RTN1: variants seen among roughly 807,000 people sequenced by gnomAD.
RTN1 encodes the protein reticulon 1.
RTN1 carries 25 observed loss-of-function variants against 65.5 expected under a neutral mutation model. The ratio of observed to expected loss-of-function variants is 0.38; its 90% CI spans 0.28 to 0.53. RTN1 has a LOEUF of 0.53. Ranked by LOEUF, RTN1 falls within the 20% of genes least tolerant of loss-of-function variation. The probability of loss-of-function intolerance (pLI) is 0.79; values close to 1 mark genes in which losing one functional copy is unlikely to be tolerated. For synonymous variants in RTN1, 471 were observed against 447.6 expected, an observed-to-expected ratio of 1.05 and a Z score of -0.66; for missense variants, 983 against 1,025.4, an observed-to-expected ratio of 0.96 and a Z score of 0.57.
chr14:59,808,846 G>A (rs80131608), intron 1 of RTN1, among the ~76,000 whole-genome samples: 1,840 of 152,208 alleles, frequency 0.012, 33 homozygotes, highest in African/African-American at 0.041. Flanking sequence ...CTCCCACCAT[G>A]TGAGAGGACT....
chr14:59,637,774 C>T (rs1882696139), intron 3 of RTN1, among the ~76,000 whole-genome samples: 1 of 152,054 alleles, frequency 6.6e-6, no homozygotes, highest in Non-Finnish European at 1.5e-5. Flanking sequence ...ATGACCTCCT[C>T]CCATGAATCA....
intron 3 of RTN1, among the ~76,000 whole-genome samples, chr14:59,659,790 CAAATTGTA>C (rs1441603226): frequency 1.3e-5 from 2 of 152,150 alleles, no homozygotes; most frequent in African/African-American, 4.8e-5. Context: ...AAAAACATAC[CAAATTGTA>C]AAGACCATCG....
At chr14:59,696,886 T>C (rs989458255) in intron 3 of RTN1, among the ~76,000 whole-genome samples, 1 of 152,054 alleles carries the variant, frequency 6.6e-6, no homozygotes, top group African/African-American at 2.4e-5. Context: ...ACTGCTCTCA[T>C]AGGGGGGAAA....
intron 3 of RTN1, among the ~76,000 whole-genome samples, chr14:59,636,776 T>C (rs1035010898): frequency 6.6e-6 from 1 of 152,230 alleles, no homozygotes; most frequent in Non-Finnish European, 1.5e-5. Flanking sequence ...AAAGTAATGT[T>C]TACACTATAC....
At chr14:59,845,799 G>T (rs1316862342) in intron 1 of RTN1, among the ~76,000 whole-genome samples, 1 of 151,916 alleles carries the variant, frequency 6.6e-6, no homozygotes, top group Non-Finnish European at 1.5e-5. Flanking sequence ...TTCCCTAGAA[G>T]AATCTCCCAA....
chr14:59,614,603 C>G (rs532186715), intron 3 of RTN1, among the ~76,000 whole-genome samples: 3 of 152,246 alleles, frequency 2.0e-5, no homozygotes, highest in Admixed American at 6.5e-5. Flanking sequence ...GACATTTGGT[C>G]TAAATTAAGG....
chr14:59,688,376 G>A (rs547325772), intron 3 of RTN1, among the ~76,000 whole-genome samples: 167 of 152,300 alleles, frequency 1.1e-3, no homozygotes, highest in African/African-American at 3.7e-3. Flanking sequence ...CTCTGGGTAC[G>A]TGGTGGCTGC....
intron 3 of RTN1, among the ~76,000 whole-genome samples, chr14:59,725,657 T>G (rs1238090063): frequency 6.6e-6 from 1 of 152,212 alleles, no homozygotes; most frequent in Non-Finnish European, 1.5e-5. Context: ...GTCAATTATA[T>G]CAGCCCCCAC....
At chr14:59,751,383 G>C (rs1384915600) in intron 1 of RTN1, among the ~76,000 whole-genome samples, 2 of 151,844 alleles carry the variant, frequency 1.3e-5, no homozygotes, top group African/African-American at 4.8e-5. Flanking sequence ...AATTATTAAA[G>C]CTTCTTTCAT....
In RTN1 at chr14:59,654,875, T is replaced by C. The variant is rs556506785; in HGVS notation, c.1766-47383A>G. 6.8e-4 allele frequency among the ~76,000 whole-genome samples: 104 copies of C among 152,302 alleles called. 1 individual carries two copies. The highest frequency in any genetic ancestry group is 1.2e-3 in the Non-Finnish European group (80 of 68,016). On this transcript the variant is annotated intron_variant, in intron 3 of 8. Transcript: ENST00000267484. Reference sequence around the variant, plus strand: ...AATTATGATATTTAATGGTGAAAGATTGGAAGATTTTCTCCTAATATCTGG... The same window carrying C: ...AATTATGATATTTAATGGTGAAAGACTGGAAGATTTTCTCCTAATATCTGG...
Position 59,870,441 on chromosome 14 carries a change from C to G in RTN1, c.190G>C (p.Gly64Arg), listed in dbSNP as rs759902695. Residue 64 changes from glycine (G) to arginine (R), a missense_variant, in exon 1 of 9, where the codon GGC becomes CGC. Around this residue, in one of 2 missense-constraint regions of RTN1, gnomAD observed 818 missense variants for 801.8 expected, o/e 1.02. Coordinates refer to ENST00000267484, the MANE Select transcript of RTN1 (RefSeq NM_021136.3). This position sits in a 1 kb window ranked among gnomAD's most constrained non-coding sequence, Gnocchi z 5.1. ...RAREAASREA[G>R]SGPARQSPVA... ...GGCGACTGCCGGGCGGGGCCCGAGC[C>G]GGCTTCCCGCGACGCCGCTTCCCGG... 2 of 1,513,888 alleles carry G rather than the reference C, an allele frequency of 1.3e-6. No homozygotes were observed. Among genetic ancestry groups the G allele is most frequent in the Non-Finnish European group, 1.8e-6 (2 of 1,142,340 alleles). 93.8% of individuals were successfully genotyped at this position (1,513,888 alleles called of 1,614,324 possible). A position where few individuals can be genotyped will look rare whatever the true frequency, so the allele number is the denominator to read the frequency against.
intron 3 of RTN1, among the ~76,000 whole-genome samples, chr14:59,658,383 T>C (rs1883170322): frequency 1.0e-5 from 1 of 98,554 alleles, no homozygotes; most frequent in African/African-American, 4.6e-5. Context: ...GCTCCAGCTC[T>C]GCTAAGGGAC....
At chr14:59,858,829 A>G (rs996585280) in intron 1 of RTN1, among the ~76,000 whole-genome samples, 2 of 152,246 alleles carry the variant, frequency 1.3e-5, no homozygotes, top group African/African-American at 4.8e-5. Flanking sequence ...TTTCCAAAAC[A>G]TTTTAAAATA....
At chr14:59,770,378 C>CAA (rs774086177) in intron 1 of RTN1, among the ~76,000 whole-genome samples, 774 of 53,638 alleles carry the variant, frequency 0.014, 102 homozygotes, top group Non-Finnish European at 0.021. Flanking sequence ...AACTCTGCCT[C>CAA]AAAAAAAAAA....
At chr14:59,830,699 C>T (rs770430614) in intron 1 of RTN1, among the ~76,000 whole-genome samples, 2 of 152,134 alleles carry the variant, frequency 1.3e-5, no homozygotes, top group African/African-American at 2.4e-5. Context: ...AGCAATGTGA[C>T]CTTCAGTAAG....
intron 2 of RTN1, among the ~76,000 whole-genome samples, chr14:59,740,836 C>A (rs1885101162): frequency 6.6e-6 from 1 of 151,990 alleles, no homozygotes; most frequent in African/African-American, 2.4e-5. Flanking sequence ...TTTCAAAGGC[C>A]CTCTAAGATA....
chr14:59,771,708 G>A (rs975512223), intron 1 of RTN1, among the ~76,000 whole-genome samples: 2 of 152,126 alleles, frequency 1.3e-5, no homozygotes, highest in Admixed American at 1.3e-4. Flanking sequence ...CTGTGGAATG[G>A]AGTAACTCCT....
chr14:59,658,149 C>T (rs1470720677), intron 3 of RTN1, among the ~76,000 whole-genome samples: 2 of 152,222 alleles, frequency 1.3e-5, no homozygotes, highest in African/African-American at 4.8e-5. Flanking sequence ...TCAAAATGGG[C>T]AGAGCCCACT....
At chr14:59,615,178 G>A (rs145867479) in intron 3 of RTN1, among the ~76,000 whole-genome samples, 4 of 152,318 alleles carry the variant, frequency 2.6e-5, no homozygotes, top group South Asian at 4.1e-4. Context: ...GGCTGGGCAT[G>A]GCGGCTCATG....
Sources: gnomAD v4.1 joint callset for allele counts (sites outside exome capture counted in the v4.1 genomes callset) on GRCh38, gnomAD v4.1.1 for gene constraint, gnomAD v4.1.1 regional missense constraint, Gnocchi (gnomAD v3.1) non-coding constraint, MANE v1.5 for transcripts, NCBI Gene and HGNC (gene_info 2026-07-23, HGNC 2026-07-21) for gene names.